Variants in PDZRN3 observed in about 807,000 individuals in gnomAD.
PDZRN3 encodes E3 ubiquitin-protein ligase PDZRN3.
In PDZRN3, 38 loss-of-function variants were observed where a neutral mutation model predicts 85.7. The observed-to-expected ratio is 0.44, with a 90% CI of 0.34 to 0.58. PDZRN3 has a LOEUF of 0.58. Ranked by LOEUF, PDZRN3 falls within the 20% of genes least tolerant of loss-of-function variation. PDZRN3 has a pLI of 0.01. For synonymous variants in PDZRN3, 759 were observed against 638.0 expected, an observed-to-expected ratio of 1.19 and a Z score of -2.86; for missense variants, 1,629 against 1,506.4, an observed-to-expected ratio of 1.08 and a Z score of -1.35.
chr3:73,433,801 A>T, intron 3 of PDZRN3: 1 of 1,507,560 alleles, frequency 6.6e-7, no homozygotes, highest in East Asian at 2.5e-5. Flanking sequence ...ATCCTTGGAG[A>T]GCCTCAGGTG....
chr3:73,406,490 A>C (rs542774831), intron 3 of PDZRN3, among the ~76,000 whole-genome samples: 31 of 152,320 alleles, frequency 2.0e-4, no homozygotes, highest in African/African-American at 7.5e-4. Flanking sequence ...TGCTACAGCA[A>C]ATTTGTTGCT....
chr3:73,581,806 A>AG (rs1051714446), intron 3 of PDZRN3, among the ~76,000 whole-genome samples: 2 of 146,534 alleles, frequency 1.4e-5, no homozygotes, highest in Non-Finnish European at 3.0e-5. Flanking sequence ...ACAATGATTA[A>AG]AAAAAAAAAA....
chr3:73,426,909 A>C (rs573904037), intron 3 of PDZRN3, among the ~76,000 whole-genome samples: 1 of 152,292 alleles, frequency 6.6e-6, no homozygotes, highest in African/African-American at 2.4e-5. Flanking sequence ...TCCACAGTCA[A>C]AAGCTGTCCT....
At chr3:73,518,153 A>G (rs767236998) in intron 3 of PDZRN3, among the ~76,000 whole-genome samples, 90 of 152,224 alleles carry the variant, frequency 5.9e-4, no homozygotes, top group Admixed American at 6.5e-5. Flanking sequence ...GTGATATACA[A>G]TGCCATATTA....
At chr3:73,602,655 G>T (rs1702531830) in intron 2 of PDZRN3, among the ~76,000 whole-genome samples, 194 bp from the exon 3 acceptor site, 1 of 152,128 alleles carries the variant, frequency 6.6e-6, no homozygotes, top group African/African-American at 2.4e-5. Flanking sequence ...CCACACCAAA[G>T]GACATAAAAT....
chr3:73,515,551 C>G (rs969074375), intron 3 of PDZRN3, among the ~76,000 whole-genome samples: 2 of 152,154 alleles, frequency 1.3e-5, no homozygotes, highest in East Asian at 3.9e-4. Context: ...AAGGAAATGA[C>G]CTCATCCACC....
At position 73,584,133 on chromosome 3, in the gene PDZRN3, A is replaced by C. The variant is rs1485377476; in HGVS notation, c.918+18221T>G. On this transcript the variant is annotated intron_variant, in intron 3 of 9. Coordinates refer to ENST00000263666, the MANE Select transcript of PDZRN3 (RefSeq NM_015009.3). ...GTCTAGTGTGGTAAATGAGGGGAGA[A>C]AAAAAAAAAAGAGGAAAAAAAAAGC... Among the ~76,000 whole-genome samples, 7 of 140,440 alleles carry C rather than the reference A, an allele frequency of 5.0e-5. No homozygotes were observed. In the East Asian group the frequency reaches 1.2e-3, roughly 24 times the overall value. 92.1% of individuals were successfully genotyped at this position (140,440 alleles called of 152,430 possible).
chr3:73,476,284 G>C lies in PDZRN3; in HGVS notation c.919-71889C>G, dbSNP rs1703447122. ...TTACAATCATGGCAGAAGGTGAAGG[G>C]GAAGCTGGCACATCTTCACCTGGCC... On this transcript the variant is annotated intron_variant, in intron 3 of 9. Transcript: ENST00000263666. Among the ~76,000 whole-genome samples the C allele has an allele frequency of 1.3e-5, 2 of 152,258 alleles. 1 individual carries two copies. Among genetic ancestry groups the C allele is most frequent in the South Asian group, 4.2e-4 (2 of 4,816 alleles).
At chr3:73,597,891 A>C (rs552315087) in intron 3 of PDZRN3, among the ~76,000 whole-genome samples, 1 of 152,306 alleles carries the variant, frequency 6.6e-6, no homozygotes, top group African/African-American at 2.4e-5. Context: ...AGAACAATCC[A>C]AAAACTCCAT....
intron 3 of PDZRN3, among the ~76,000 whole-genome samples, chr3:73,577,862 C>T (rs550725717): frequency 1.3e-5 from 2 of 152,244 alleles, no homozygotes; most frequent in African/African-American, 4.8e-5. Flanking sequence ...GGAGCCAGAT[C>T]TAGCCCAAAG....
At chr3:73,600,690 T>G (rs1702504366) in intron 3 of PDZRN3, among the ~76,000 whole-genome samples, 1 of 152,190 alleles carries the variant, frequency 6.6e-6, no homozygotes, top group Non-Finnish European at 1.5e-5. Context: ...GATTTCTCAT[T>G]TGCAAAACAC....
At chr3:73,583,882 A>G (rs963196848) in intron 3 of PDZRN3, among the ~76,000 whole-genome samples, 4 of 152,344 alleles carry the variant, frequency 2.6e-5, no homozygotes, top group African/African-American at 7.2e-5. Context: ...CTTATTTCCA[A>G]TCTCCAGAGA....
intron 3 of PDZRN3, among the ~76,000 whole-genome samples, chr3:73,423,166 A>T (rs1702237100): frequency 6.6e-6 from 1 of 152,218 alleles, no homozygotes; most frequent in Non-Finnish European, 1.5e-5. Context: ...GCTAACTGAA[A>T]TATTGTTATG....
intron 3 of PDZRN3, among the ~76,000 whole-genome samples, chr3:73,462,277 G>A (rs1197869111): frequency 4.0e-5 from 6 of 151,808 alleles, no homozygotes; most frequent in Non-Finnish European, 7.4e-5. Flanking sequence ...AGGTCACATA[G>A]TTTGTGAACC....
At chr3:73,537,311 C>G (rs550993359) in intron 3 of PDZRN3, among the ~76,000 whole-genome samples, 1 of 152,280 alleles carries the variant, frequency 6.6e-6, no homozygotes, top group Non-Finnish European at 1.5e-5. Flanking sequence ...GAGCCCTTGG[C>G]CTGCTGAACT....
At chr3:73,427,158 A>T (rs1702332746) in intron 3 of PDZRN3, among the ~76,000 whole-genome samples, 1 of 152,242 alleles carries the variant, frequency 6.6e-6, no homozygotes, top group African/African-American at 2.4e-5. Context: ...TTGATGAACA[A>T]GTAGGCAAAC....
At chr3:73,604,729 T>G (rs1215465671) in intron 2 of PDZRN3, among the ~76,000 whole-genome samples, 3 of 152,232 alleles carry the variant, frequency 2.0e-5, no homozygotes. Flanking sequence ...TTGCATTTCT[T>G]GGCTGGAGAG....
At chr3:73,521,200 T>G (rs532149233) in intron 3 of PDZRN3, among the ~76,000 whole-genome samples, 10 of 152,294 alleles carry the variant, frequency 6.6e-5, no homozygotes, top group African/African-American at 2.4e-4. Flanking sequence ...CGGGTTGTTG[T>G]GCGTGCCACT....
At chr3:73,529,258 G>A (rs1297562668) in intron 3 of PDZRN3, among the ~76,000 whole-genome samples, 3 of 152,166 alleles carry the variant, frequency 2.0e-5, no homozygotes, top group Non-Finnish European at 4.4e-5. Context: ...TAGTAGCTGT[G>A]GGGAAAGAGA....
Sources: gnomAD v4.1 joint callset for allele counts (sites outside exome capture counted in the v4.1 genomes callset) on GRCh38, gnomAD v4.1.1 for gene constraint, MANE v1.5 for transcripts, NCBI Gene and HGNC (gene_info 2026-07-23, HGNC 2026-07-21) for gene names.